Variants in ITGA2 observed in about 807,000 individuals in gnomAD.
The protein encoded by ITGA2 is integrin alpha-2.
Under a neutral mutation model 146.3 loss-of-function variants are expected in ITGA2, and 101 were observed. The ratio of observed to expected loss-of-function variants is 0.69; its 90% CI spans 0.59 to 0.81. The LOEUF is 0.81. Ranked by LOEUF, ITGA2 falls within the 40% of genes least tolerant of loss-of-function variation. The pLI is 0.00. For missense variants in ITGA2, 1,281 were observed against 1,402.7 expected, an observed-to-expected ratio of 0.91 and a Z score of 1.39; for synonymous variants, 477 against 487.1, an observed-to-expected ratio of 0.98 and a Z score of 0.27.
intron 1 of ITGA2, among the ~76,000 whole-genome samples, chr5:53,023,349 T>A (rs1742779451): frequency 6.6e-6 from 1 of 152,246 alleles, no homozygotes; most frequent in African/African-American, 2.4e-5. Context: ...TGCCTTCCTC[T>A]TTATGTAGTG....
At chr5:53,000,885 C>CTTTTTTTTT (rs1741543458) in intron 1 of ITGA2, among the ~76,000 whole-genome samples, 1 of 116,438 alleles carries the variant, frequency 8.6e-6, no homozygotes, top group African/African-American at 3.2e-5. Flanking sequence ...TCTTTTTTTT[C>CTTTTTTTTT]TTTTTCTTTT....
intron 2 of ITGA2, among the ~76,000 whole-genome samples, chr5:53,035,350 T>C (rs1743438153): frequency 6.6e-6 from 1 of 152,208 alleles, no homozygotes; most frequent in Admixed American, 6.5e-5. Context: ...TTATATTTCT[T>C]CTAGTGCCAA....
Position 53,065,107 on chromosome 5 carries a change from T to C in ITGA2, c.1798T>C (p.Tyr600His). ...TCATCAGGGCACTATCCGCACAAAG[T>C]ATTCCCAGGTAATCCATGAGCTGTT... ...NGHQGTIRTK[Y>H]SQKILGSDGA... The change falls in exon 14 of 30, where the codon TAT becomes CAT. Residue 600 changes from tyrosine to histidine, a missense_variant. By Grantham distance (83) the Tyr-to-His change is moderately conservative (BLOSUM62 2). Transcript: ENST00000296585. 1 of 1,612,362 alleles carries C rather than the reference T, an allele frequency of 6.2e-7. No individual in the cohort carries two copies. The highest frequency in any genetic ancestry group is 8.5e-7 in the Non-Finnish European group (1 of 1,178,890).
At chr5:53,071,050 A>C (rs12517446) in intron 17 of ITGA2, among the ~76,000 whole-genome samples, 72,553 of 151,690 alleles carry the variant, frequency 0.48, 17,387 homozygotes, top group Middle Eastern at 0.52. Flanking sequence ...CTAAGGAGCA[A>C]CCCAAATATT....
At chr5:52,989,696 C>A (rs1456182027) in intron 1 of ITGA2, among the ~76,000 whole-genome samples, 164 bp downstream of exon 1, 2 of 152,158 alleles carry the variant, frequency 1.3e-5, no homozygotes, top group African/African-American at 4.8e-5. Flanking sequence ...GAAAGAGATA[C>A]TTCTTCGTTC....
chr5:53,015,861 T>C (rs1485848985), intron 1 of ITGA2, among the ~76,000 whole-genome samples: 2 of 152,170 alleles, frequency 1.3e-5, no homozygotes, highest in African/African-American at 2.4e-5. Flanking sequence ...TCCTTTCTGA[T>C]TGTTGTTGGT....
intron 24 of ITGA2, among the ~76,000 whole-genome samples, chr5:53,079,329 T>C (rs1210017025): frequency 6.6e-6 from 1 of 152,130 alleles, no homozygotes; most frequent in East Asian, 1.9e-4. Flanking sequence ...ATAATTATTA[T>C]GCCAATTTAT....
intron 16 of ITGA2, among the ~76,000 whole-genome samples, 187 bp from the exon 17 acceptor site, chr5:53,069,922 T>A (rs1745312249): frequency 6.6e-6 from 1 of 151,868 alleles, no homozygotes; most frequent in Non-Finnish European, 1.5e-5. Flanking sequence ...GTCACCTACG[T>A]CACATCAGAG....
chr5:53,000,897 GTTT>G (rs369482288), intron 1 of ITGA2, among the ~76,000 whole-genome samples: 4 of 97,226 alleles, frequency 4.1e-5, no homozygotes, highest in African/African-American at 1.1e-4. Flanking sequence ...TTTTCTTTTT[GTTT>G]TTTTTTTTTT....
chr5:53,069,247 A>T (rs921656154), intron 16 of ITGA2, among the ~76,000 whole-genome samples: 3 of 151,914 alleles, frequency 2.0e-5, no homozygotes, highest in Non-Finnish European at 4.4e-5. Context: ...GTTGAAGGTA[A>T]TAATTCTGAT....
intron 1 of ITGA2, among the ~76,000 whole-genome samples, chr5:53,010,351 A>G (rs1742064541): frequency 6.6e-6 from 1 of 152,202 alleles, no homozygotes; most frequent in Non-Finnish European, 1.5e-5. Context: ...ACAGAGGATT[A>G]TTCTCAGGCC....
In ITGA2 at chr5:53,033,132, G is replaced by A. The variant is rs189550802; in HGVS notation, c.185+6264G>A. Among the ~76,000 whole-genome samples the A allele has an allele frequency of 1.2e-3, 185 of 152,208 alleles. 1 individual carries two copies. In the South Asian group the frequency reaches 0.027, roughly 22 times the overall value. On this transcript the variant is annotated intron_variant, in intron 2 of 29. Coordinates refer to ENST00000296585, the MANE Select transcript of ITGA2 (RefSeq NM_002203.4). ...AAACCATAAAAAATTAGCAGGGCGTGGTGGCAGGCACCTGTAATCCCAGCT... is the reference window on the plus strand; with the variant it reads ...AAACCATAAAAAATTAGCAGGGCGTAGTGGCAGGCACCTGTAATCCCAGCT...
In ITGA2 at chr5:53,051,313, C is replaced by A. The variant is rs187229503; in HGVS notation, c.631-98C>A. Reference sequence around the variant, plus strand: ...GAAGTGATGCCTTAAAGCTACCGGCCCATGTCTAAATGTACTTTTGATTTT... The same window carrying A: ...GAAGTGATGCCTTAAAGCTACCGGCACATGTCTAAATGTACTTTTGATTTT... On this transcript the variant is annotated intron_variant, in intron 6 of 29. Transcript: ENST00000296585. The A allele has an allele frequency of 4.8e-6, 6 of 1,257,602 alleles. No homozygotes were observed. The Admixed American group carries it at 9.1e-5, about 19-fold the overall frequency. 77.9% of individuals were successfully genotyped at this position (1,257,602 alleles called of 1,614,324 possible). A position where few individuals can be genotyped will look rare whatever the true frequency, so the allele number is the denominator to read the frequency against.
In ITGA2 at chr5:53,093,772, C is replaced by G. The variant is rs927125800; in HGVS notation, c.*3173C>G. 1 of 152,518 alleles carries G rather than the reference C, an allele frequency of 6.6e-6. No homozygotes were observed. Among genetic ancestry groups the G allele is most frequent in the Non-Finnish European group, 1.5e-5 (1 of 68,014 alleles). 9.4% of individuals were successfully genotyped at this position (152,518 alleles called of 1,614,324 possible). A position where few individuals can be genotyped will look rare whatever the true frequency, so the allele number is the denominator to read the frequency against. On this transcript the variant is annotated 3_prime_UTR_variant, in exon 30 of 30. Coordinates refer to ENST00000296585, the MANE Select transcript of ITGA2 (RefSeq NM_002203.4). ...TTCCATTTCATAAATGGTGTACAGA[C>G]AAGGTCTATAGAATGTGGTAAAAAC...
chr5:53,081,732 T>G, intron 26 of ITGA2, 36 bp downstream of exon 26: 3 of 1,360,200 alleles, frequency 2.2e-6, no homozygotes, highest in Non-Finnish European at 3.1e-6. Context: ...CTCCCCTCAT[T>G]CATTTATTTC....
chr5:53,047,659 C>T (rs1033469915), intron 4 of ITGA2, among the ~76,000 whole-genome samples: 2 of 152,156 alleles, frequency 1.3e-5, no homozygotes, highest in Non-Finnish European at 2.9e-5. Flanking sequence ...GGCAACACAA[C>T]CTATTTCATA....
At chr5:53,046,194 CAAA>C (rs58926174) in intron 4 of ITGA2, among the ~76,000 whole-genome samples, 4,476 of 98,818 alleles carry the variant, frequency 0.045, 47 homozygotes, top group East Asian at 0.082. Flanking sequence ...GACTCTGTCT[CAAA>C]AAAAAAAAAA....
At chr5:53,088,941 G>T (rs1297736135) in intron 28 of ITGA2, 1 of 152,148 alleles carries the variant, frequency 6.6e-6, no homozygotes, top group Non-Finnish European at 1.5e-5. Flanking sequence ...GGGTCCATAG[G>T]GATCCGTGGT....
chr5:53,065,575 A>G (rs1040476514), intron 14 of ITGA2, among the ~76,000 whole-genome samples: 16 of 151,964 alleles, frequency 1.1e-4, no homozygotes, highest in Admixed American at 5.2e-4. Context: ...ACTTGCATCA[A>G]TTTGCTCCAA....
Sources: allele counts gnomAD v4.1 joint callset (sites outside exome capture counted in the v4.1 genomes callset), GRCh38; gene constraint gnomAD v4.1.1; transcripts MANE v1.5; gene names NCBI Gene and HGNC (gene_info 2026-07-23, HGNC 2026-07-21).